The following CTNND2 variants were observed in gnomAD, a reference collection of about 807,000 sequenced individuals.
CTNND2 encodes the protein catenin delta-2.
In CTNND2, 22 loss-of-function variants were observed where a neutral mutation model predicts 144.4. The ratio of observed to expected loss-of-function variants is 0.15; its 90% CI spans 0.11 to 0.22. CTNND2 has a LOEUF of 0.22. CTNND2 is among the 10% of genes least tolerant of loss of function. The probability of loss-of-function intolerance (pLI) is 1.00; values close to 1 mark genes in which losing one functional copy is unlikely to be tolerated. For missense variants in CTNND2, 1,353 were observed against 1,618.8 expected (o/e 0.84, Z 2.82); for synonymous variants, 751 against 695.6 (o/e 1.08, Z -1.25).
chr5:11,728,797 T>C (rs1787163713), intron 2 of CTNND2, among the ~76,000 whole-genome samples: 1 of 152,180 alleles, frequency 6.6e-6, no homozygotes, highest in African/African-American at 2.4e-5. Flanking sequence ...GAAATTTTCA[T>C]CTATATTTTT....
chr5:11,717,187 C>T (rs572028145), intron 2 of CTNND2, among the ~76,000 whole-genome samples: 1 of 151,848 alleles, frequency 6.6e-6, no homozygotes, highest in South Asian at 2.1e-4. Flanking sequence ...AGTCTTGATA[C>T]TAGAAATTTT....
chr5:11,159,125 A>C (rs1269752203), intron 12 of CTNND2, among the ~76,000 whole-genome samples: 1 of 152,234 alleles, frequency 6.6e-6, no homozygotes, highest in Non-Finnish European at 1.5e-5. Context: ...CTTACAGTCA[A>C]ACAGAGAATT....
chr5:11,049,273 T>C (rs181157888), intron 16 of CTNND2, among the ~76,000 whole-genome samples: 15 of 152,266 alleles, frequency 9.9e-5, no homozygotes, highest in Admixed American at 6.5e-4. Context: ...CCTCATGGGC[T>C]TTTGGAGGCT....
chr5:11,400,909 A>AAT (rs1422241533), intron 5 of CTNND2, among the ~76,000 whole-genome samples: 1 of 152,230 alleles, frequency 6.6e-6, no homozygotes, highest in African/African-American at 2.4e-5. Context: ...GTTGTTGTTT[A>AAT]ATATCAAAAC....
chr5:11,514,177 C>A (rs1771925777), intron 3 of CTNND2, among the ~76,000 whole-genome samples: 2 of 145,266 alleles, frequency 1.4e-5, no homozygotes, highest in South Asian at 4.5e-4. Context: ...ACAGCAAGAC[C>A]CTGTCTCAGA....
At chr5:11,097,125 T>C (rs1230162087) in intron 15 of CTNND2, among the ~76,000 whole-genome samples, 1 of 152,210 alleles carries the variant, frequency 6.6e-6, no homozygotes, top group Non-Finnish European at 1.5e-5. Context: ...CACAGTGATA[T>C]GCTGTAGTTT....
chr5:11,809,394 A>G (rs1290320260), intron 1 of CTNND2, among the ~76,000 whole-genome samples: 2 of 152,210 alleles, frequency 1.3e-5, no homozygotes, highest in African/African-American at 4.8e-5. Flanking sequence ...TAACTTAGTC[A>G]TCTTTACTTA....
chr5:11,436,980 T>C (rs1290723521), intron 3 of CTNND2, among the ~76,000 whole-genome samples: 1 of 152,152 alleles, frequency 6.6e-6, no homozygotes, highest in South Asian at 2.1e-4. Flanking sequence ...GCTAAAGACA[T>C]ATTTTCCCAA....
In CTNND2 at chr5:11,462,490, T is replaced by G. The variant is rs139340568; in HGVS notation, c.288-50421A>C. ...GCAGAGAGGAGTCCGATAGTGTCAT[T>G]AGTGGCCTCAGGCTTTAGTCTTAGA... On this transcript the variant is annotated intron_variant, in intron 3 of 21. Coordinates refer to ENST00000304623, the MANE Select transcript of CTNND2 (RefSeq NM_001332.4). Among the ~76,000 whole-genome samples, 852 of 152,210 alleles carry G rather than the reference T, an allele frequency of 5.6e-3. 4 individuals are homozygous for G. Among genetic ancestry groups the G allele is most frequent in the African/African-American group, 0.02 (826 of 41,540 alleles).
chr5:11,370,363 G>A (rs1441575765), intron 7 of CTNND2, among the ~76,000 whole-genome samples: 3 of 152,070 alleles, frequency 2.0e-5, no homozygotes, highest in Admixed American at 1.3e-4. Flanking sequence ...GGGCACCCCC[G>A]AGCCTCCTGG....
intron 8 of CTNND2, among the ~76,000 whole-genome samples, chr5:11,362,099 T>C (rs1756511291): frequency 6.6e-6 from 1 of 152,166 alleles, no homozygotes; most frequent in Non-Finnish European, 1.5e-5. Context: ...GGAGTTAGGG[T>C]GTCTGCTTTA....
At chr5:11,146,388 G>C (rs1291738789) in intron 12 of CTNND2, among the ~76,000 whole-genome samples, 4 of 152,148 alleles carry the variant, frequency 2.6e-5, no homozygotes, top group Admixed American at 1.3e-4. Flanking sequence ...AGCATCATGG[G>C]AAAAGCATTC....
chr5:11,567,993 T>G (rs540968434), intron 2 of CTNND2, among the ~76,000 whole-genome samples: 5 of 152,288 alleles, frequency 3.3e-5, no homozygotes, highest in African/African-American at 1.2e-4. Context: ...CTTTTTAGAT[T>G]TGTTAGGGGG....
intron 1 of CTNND2, among the ~76,000 whole-genome samples, chr5:11,777,509 C>A (rs558491988): frequency 6.6e-6 from 1 of 152,252 alleles, no homozygotes; most frequent in South Asian, 2.1e-4. Context: ...AATCCTGGAT[C>A]GAGTTCTGAG....
intron 18 of CTNND2, among the ~76,000 whole-genome samples, chr5:11,006,246 A>G (rs1015686): frequency 0.18 from 27,242 of 152,182 alleles, 2,683 homozygotes; most frequent in Admixed American, 0.28. Context: ...TTAACAGAGA[A>G]AGATGTGTCA....
At chr5:11,524,588 C>T (rs1773047245) in intron 3 of CTNND2, among the ~76,000 whole-genome samples, 1 of 152,108 alleles carries the variant, frequency 6.6e-6, no homozygotes, top group African/African-American at 2.4e-5. Context: ...GAATTTTAGG[C>T]AATTTGAAGA....
intron 9 of CTNND2, among the ~76,000 whole-genome samples, chr5:11,254,423 A>G (rs548586547): frequency 1.1e-5 from 1 of 94,528 alleles, no homozygotes; most frequent in African/African-American, 3.3e-5. Flanking sequence ...TAATTTAATC[A>G]TAGGTAGAGC....
At chr5:11,328,782 C>G (rs1179468669) in intron 9 of CTNND2, among the ~76,000 whole-genome samples, 1 of 152,222 alleles carries the variant, frequency 6.6e-6, no homozygotes, top group Admixed American at 6.5e-5. Context: ...GGAATTCCCA[C>G]TGACCCACAG....
intron 5 of CTNND2, among the ~76,000 whole-genome samples, chr5:11,402,234 T>C (rs1760706561): frequency 6.6e-6 from 1 of 152,132 alleles, no homozygotes; most frequent in African/African-American, 2.4e-5. Context: ...CTTTTTTCCA[T>C]CAACCTCAAA....
Sources: gnomAD v4.1 joint callset for allele counts (sites outside exome capture counted in the v4.1 genomes callset) on GRCh38, gnomAD v4.1.1 for gene constraint, MANE v1.5 for transcripts, NCBI Gene and HGNC (gene_info 2026-07-23, HGNC 2026-07-21) for gene names.